LRFN5: variants seen among roughly 807,000 people sequenced by gnomAD.
The protein encoded by LRFN5 is leucine-rich repeat and fibronectin type-III domain-containing protein 5.
A neutral mutation model predicts 45.6 loss-of-function variants in LRFN5; 24 were observed. The observed-to-expected ratio is 0.53, with a 90% CI of 0.38 to 0.74. The LOEUF is 0.74. Ranked by LOEUF, LRFN5 falls within the 30% of genes least tolerant of loss-of-function variation. The pLI is 0.00. For synonymous variants in LRFN5, 340 were observed against 313.8 expected (o/e 1.08, Z -0.88); for missense variants, 776 against 861.5 (o/e 0.90, Z 1.24).
chr14:41,716,069 G>A (rs192095486), intron 1 of LRFN5, among the ~76,000 whole-genome samples: 2 of 152,120 alleles, frequency 1.3e-5, no homozygotes, highest in Admixed American at 6.6e-5. Flanking sequence ...ATGAAGCCAC[G>A]GTCTAAGCTC....
chr14:41,865,775 G>C (rs773512329), intron 2 of LRFN5, among the ~76,000 whole-genome samples: 8 of 152,138 alleles, frequency 5.3e-5, no homozygotes, highest in Non-Finnish European at 1.0e-4. Context: ...TGTGTGCAAA[G>C]TGGTATCTCA....
At chr14:41,731,641 C>G (rs1377936862) in intron 1 of LRFN5, 9 of 152,114 alleles carry the variant, frequency 5.9e-5, no homozygotes, top group Non-Finnish European at 8.8e-5. Context: ...ATAGCCTGCA[C>G]TATGGAAATC....
chr14:41,730,009 C>T (rs1884099586), intron 1 of LRFN5, among the ~76,000 whole-genome samples: 1 of 151,912 alleles, frequency 6.6e-6, no homozygotes, highest in South Asian at 2.1e-4. Context: ...ATATAAACTG[C>T]AACCTAAAAC....
intron 1 of LRFN5, among the ~76,000 whole-genome samples, chr14:41,730,824 G>C (rs1884141173): frequency 6.6e-6 from 1 of 151,346 alleles, no homozygotes; most frequent in Admixed American, 6.6e-5. Flanking sequence ...CAAAAGATGA[G>C]AGTTTAAAAA....
At chr14:41,856,084 C>T (rs1354376202) in intron 2 of LRFN5, among the ~76,000 whole-genome samples, 1 of 152,112 alleles carries the variant, frequency 6.6e-6, no homozygotes, top group Non-Finnish European at 1.5e-5. Flanking sequence ...AATGCGTAGT[C>T]GAATTTCAGT....
intron 1 of LRFN5, among the ~76,000 whole-genome samples, chr14:41,659,996 T>A (rs952901070): frequency 6.6e-6 from 1 of 151,946 alleles, no homozygotes; most frequent in Non-Finnish European, 1.5e-5. Context: ...TTCTGTAGGT[T>A]GCCTGTTAAC....
At chr14:41,669,627 C>T (rs777245011) in intron 1 of LRFN5, among the ~76,000 whole-genome samples, 1 of 151,884 alleles carries the variant, frequency 6.6e-6, no homozygotes, top group South Asian at 2.1e-4. Context: ...GCAATACATT[C>T]CACATGTAGG....
chr14:41,675,404 C>A (rs1053528056), intron 1 of LRFN5, among the ~76,000 whole-genome samples: 2 of 152,256 alleles, frequency 1.3e-5, no homozygotes, highest in Admixed American at 1.3e-4. Flanking sequence ...AGCTGGAGAC[C>A]AGCCCGGCCA....
intron 2 of LRFN5, among the ~76,000 whole-genome samples, chr14:41,803,789 C>G (rs1196591842): frequency 6.6e-6 from 1 of 152,222 alleles, no homozygotes; most frequent in East Asian, 1.9e-4. Context: ...GCTGATTTAT[C>G]AAGACAGAGG....
chr14:41,733,274 A>G (rs1262916865), intron 1 of LRFN5, among the ~76,000 whole-genome samples: 1 of 152,104 alleles, frequency 6.6e-6, no homozygotes, highest in African/African-American at 2.4e-5. Context: ...ACCTAAATAC[A>G]TTATATAATC....
chr14:41,609,212 A>G (rs1252003744), intron 1 of LRFN5, among the ~76,000 whole-genome samples: 1 of 152,148 alleles, frequency 6.6e-6, no homozygotes, highest in Admixed American at 6.5e-5. Context: ...TCCATGAAAG[A>G]AGTCATTTTT....
intron 2 of LRFN5, among the ~76,000 whole-genome samples, 154 bp downstream of exon 2, chr14:41,767,183 A>G (rs1162995507): frequency 6.6e-6 from 1 of 151,892 alleles, no homozygotes; most frequent in African/African-American, 2.4e-5. Flanking sequence ...TTTTTGAGTC[A>G]TATTTTTTGG....
At chr14:41,618,726 C>T (rs1393103530) in intron 1 of LRFN5, among the ~76,000 whole-genome samples, 1 of 152,156 alleles carries the variant, frequency 6.6e-6, no homozygotes, top group Non-Finnish European at 1.5e-5. Flanking sequence ...GTCTTAGGTA[C>T]TGAGACATAG....
chr14:41,835,401 T>C (rs995206293), intron 2 of LRFN5, among the ~76,000 whole-genome samples: 1 of 152,224 alleles, frequency 6.6e-6, no homozygotes. Context: ...AAACCTTTGG[T>C]CTGAACAATT....
chr14:41,775,020 G>A (rs1886225786), intron 2 of LRFN5, among the ~76,000 whole-genome samples: 1 of 149,990 alleles, frequency 6.7e-6, no homozygotes, highest in Admixed American at 6.6e-5. Context: ...TTCCCCTGTA[G>A]TAATACAATA....
intron 4 of LRFN5, among the ~76,000 whole-genome samples, chr14:41,897,562 C>T (rs1325850555): frequency 6.6e-6 from 1 of 151,812 alleles, no homozygotes; most frequent in Non-Finnish European, 1.5e-5. Context: ...AATTTTGTGT[C>T]CTGCAATATA....
intron 1 of LRFN5, among the ~76,000 whole-genome samples, chr14:41,635,765 A>T (rs933986928): frequency 1.3e-5 from 2 of 152,158 alleles, no homozygotes; most frequent in African/African-American, 4.8e-5. Context: ...CAGTCTCACT[A>T]CTGCTTCAGT....
At chr14:41,620,673 C>T (rs1594555630) in intron 1 of LRFN5, among the ~76,000 whole-genome samples, 1 of 151,842 alleles carries the variant, frequency 6.6e-6, no homozygotes, top group Admixed American at 6.6e-5. Context: ...ATATGACTAT[C>T]GCACTTATTA....
At chr14:41,718,242 G>T (rs1883570001) in intron 1 of LRFN5, among the ~76,000 whole-genome samples, 1 of 152,142 alleles carries the variant, frequency 6.6e-6, no homozygotes, top group Admixed American at 6.5e-5. Flanking sequence ...ATATCTATTT[G>T]TAATGCCTGA....
Sources: gnomAD v4.1 joint callset for allele counts (sites outside exome capture counted in the v4.1 genomes callset) on GRCh38, gnomAD v4.1.1 for gene constraint, MANE v1.5 for transcripts, NCBI Gene and HGNC (gene_info 2026-07-23, HGNC 2026-07-21) for gene names.